The following PRELID2 variants were observed in gnomAD, a reference collection of about 807,000 sequenced individuals.
PRELID2 encodes PRELI domain-containing protein 2.
In PRELID2, 25 loss-of-function variants were observed where a neutral mutation model predicts 28.4. The observed-to-expected ratio is 0.88, with a 90% CI of 0.64 to 1.23. The LOEUF is 1.23. PRELID2 is among the 50% of genes most tolerant of loss of function. The pLI, the probability that PRELID2 is intolerant of heterozygous loss-of-function variation, is 0.00. For missense variants in PRELID2, 201 were observed against 214.4 expected, an observed-to-expected ratio of 0.94 and a Z score of 0.39; for synonymous variants, 76 against 71.6, an observed-to-expected ratio of 1.06 and a Z score of -0.31.
chr5:145,304,391 G>T, the PRELID2 span, among the ~76,000 whole-genome samples: 1 of 152,008 alleles, frequency 6.6e-6, no homozygotes, highest in African/African-American at 2.4e-5. Context: ...TCTCACTTTC[G>T]AGAGACATGC....
At chr5:145,525,666 T>C (rs919662259) in intron 1 of PRELID2, among the ~76,000 whole-genome samples, 4 of 152,176 alleles carry the variant, frequency 2.6e-5, no homozygotes, top group African/African-American at 7.2e-5. Context: ...CAGGCAAAAA[T>C]TAAGTTTTTG....
At chr5:145,638,098 AC>A (rs2149662278) in intron 1 of PRELID2, among the ~76,000 whole-genome samples, 1 of 152,338 alleles carries the variant, frequency 6.6e-6, no homozygotes, top group African/African-American at 2.4e-5. Flanking sequence ...GGCCTGAGCC[AC>A]CGCTCCCAGC....
chr5:145,769,073 A>G (rs1439868727), intron 5 of PRELID2, among the ~76,000 whole-genome samples: 2 of 152,226 alleles, frequency 1.3e-5, no homozygotes, highest in African/African-American at 4.8e-5. Flanking sequence ...CCAGGAGATC[A>G]GGCTTAAAGG....
At chr5:145,569,303 T>C (rs1752997235) in intron 1 of PRELID2, among the ~76,000 whole-genome samples, 1 of 152,234 alleles carries the variant, frequency 6.6e-6, no homozygotes, top group Non-Finnish European at 1.5e-5. Flanking sequence ...AACCTGGTTT[T>C]TCTACAGAAT....
intron 1 of PRELID2, among the ~76,000 whole-genome samples, chr5:145,730,977 A>G (rs1462334094): frequency 6.6e-6 from 1 of 152,206 alleles, no homozygotes; most frequent in Non-Finnish European, 1.5e-5. Flanking sequence ...AGCTTCTGAT[A>G]AGCCCCCTCA....
intron 1 of PRELID2, among the ~76,000 whole-genome samples, chr5:145,484,404 G>C (rs1383634302): frequency 6.6e-6 from 1 of 152,140 alleles, no homozygotes; most frequent in Non-Finnish European, 1.5e-5. Flanking sequence ...CTCCTACTCT[G>C]ACTCATAGAC....
At chr5:145,724,480 T>C (rs1446595492) in intron 1 of PRELID2, among the ~76,000 whole-genome samples, 2 of 150,630 alleles carry the variant, frequency 1.3e-5, no homozygotes, top group Admixed American at 6.7e-5. Flanking sequence ...AAGTTGAACA[T>C]AGATAATGGA....
chr5:145,274,289 G>A, the PRELID2 span, among the ~76,000 whole-genome samples: 1 of 152,132 alleles, frequency 6.6e-6, no homozygotes, highest in Non-Finnish European at 1.5e-5. Flanking sequence ...ATCTGAGATT[G>A]TATTTGCATT....
Position 145,833,554 on chromosome 5 carries a change from T to C in PRELID2, c.75+1623A>G, listed in dbSNP as rs970070893. 2.6e-5 allele frequency among the ~76,000 whole-genome samples: 4 copies of C among 152,236 alleles called. No individual in the cohort carries two copies. The South Asian group carries it at 6.2e-4, about 24-fold the overall frequency. On this transcript the variant is annotated intron_variant, in intron 1 of 6. Coordinates refer to ENST00000683046, the MANE Select transcript of PRELID2 (RefSeq NM_205846.3). ...GCTCAGGTTTTTATTAAATACCTAG[T>C]AGGTGCTAGGCACTAGTCTAGATAC...
rs1206468329 is a variant in PRELID2 at position 145,729,220 on chromosome 5, C to T, written n.70+35711G>A. The T allele has an allele frequency of 3.6e-6, 3 of 826,520 alleles. No homozygotes were observed. In the East Asian group the frequency reaches 7.6e-5, roughly 21 times the overall value. 51.2% of individuals were successfully genotyped at this position (826,520 alleles called of 1,614,324 possible). ...TGGGTTTCGGAAGCATGCCAGAATG[C>T]CCTGAATCTTACAATGAATGATGCT... On this transcript the variant is annotated intron_variant and non_coding_transcript_variant, in intron 1 of 2. Coordinates refer to the PRELID2 transcript ENST00000510259.
At chr5:145,688,634 T>G (rs1755083869) in intron 1 of PRELID2, among the ~76,000 whole-genome samples, 1 of 152,142 alleles carries the variant, frequency 6.6e-6, no homozygotes, top group African/African-American at 2.4e-5. Context: ...GTTAAAAGGG[T>G]AGAAGATGTC....
intron 1 of PRELID2, among the ~76,000 whole-genome samples, chr5:145,521,665 G>A (rs1169606899): frequency 1.3e-5 from 2 of 151,966 alleles, no homozygotes; most frequent in African/African-American, 4.8e-5. Flanking sequence ...TGTTCTTCAG[G>A]GAACAGGTAG....
At chr5:145,532,506 G>C (rs912343003) in intron 1 of PRELID2, among the ~76,000 whole-genome samples, 2 of 151,988 alleles carry the variant, frequency 1.3e-5, no homozygotes, top group Admixed American at 1.3e-4. Flanking sequence ...CTTAGTGACT[G>C]TCAAGTATAC....
intron 1 of PRELID2, among the ~76,000 whole-genome samples, chr5:145,522,653 T>C (rs943306197): frequency 4.6e-5 from 7 of 152,204 alleles, no homozygotes; most frequent in Non-Finnish European, 8.8e-5. Flanking sequence ...AAGACTTTCA[T>C]ATTACAGTGC....
chr5:145,255,912 G>A, the PRELID2 span, among the ~76,000 whole-genome samples: 1 of 151,566 alleles, frequency 6.6e-6, no homozygotes, highest in Non-Finnish European at 1.5e-5. Flanking sequence ...CATAAAGAAA[G>A]AGAGAGAGAG....
rs1214279272 is a variant in PRELID2, at chr5:145,567,346, G to GTTTGT, written n.71-94032_71-94031insACAAA. On this transcript the variant is annotated intron_variant and non_coding_transcript_variant, in intron 1 of 2. Transcript: ENST00000510259. ...CAGTGAGTTATCATGAGATCTGATG[G>GTTTGT]TTTGGTTTGGTTTGGTTTGGTTTGG... is the stretch of plus-strand genomic sequence containing the variant. Among the ~76,000 whole-genome samples, 353 of 145,438 alleles carry GTTTGT rather than the reference G, an allele frequency of 2.4e-3. 1 individual carries two copies. Among genetic ancestry groups the GTTTGT allele is most frequent in the African/African-American group, 6.9e-3 (275 of 39,838 alleles).
the PRELID2 span, among the ~76,000 whole-genome samples, chr5:145,296,503 C>A: frequency 6.6e-6 from 1 of 152,070 alleles, no homozygotes; most frequent in African/African-American, 2.4e-5. Flanking sequence ...CATCCATGTC[C>A]ATACAAAGGA....
At chr5:145,610,666 A>G (rs1251663660) in intron 1 of PRELID2, among the ~76,000 whole-genome samples, 1 of 152,146 alleles carries the variant, frequency 6.6e-6, no homozygotes, top group Non-Finnish European at 1.5e-5. Flanking sequence ...TGCTGCCATG[A>G]TGTAATACTG....
rs151250542 is a variant in PRELID2 at position 145,779,828 on chromosome 5, A to T, written c.475-14828T>A. Among the ~76,000 whole-genome samples, 376 of 152,310 alleles carry T rather than the reference A, an allele frequency of 2.5e-3. 3 individuals carry two copies. Among genetic ancestry groups the T allele is most frequent in the African/African-American group, 8.8e-3 (367 of 41,578 alleles). On this transcript the variant is annotated intron_variant, in intron 5 of 6. Coordinates refer to ENST00000683046, the MANE Select transcript of PRELID2 (RefSeq NM_205846.3). ...GGAGGGCACTCTGATTTAAATCCAC[A>T]TTGGGTTGATTCCAAAGACAGGCTC...
Sources: allele counts gnomAD v4.1 joint callset (sites outside exome capture counted in the v4.1 genomes callset), GRCh38; gene constraint gnomAD v4.1.1; transcripts MANE v1.5; gene names NCBI Gene and HGNC (gene_info 2026-07-23, HGNC 2026-07-21).